SLC43A1: variants seen among roughly 807,000 people sequenced by gnomAD.
SLC43A1 encodes the protein solute carrier family 43 member 1.
Under a neutral mutation model 59.5 loss-of-function variants are expected in SLC43A1, and 31 were observed. The observed-to-expected ratio is 0.52, with a 90% CI of 0.39 to 0.70. The LOEUF is 0.70. Ranked by LOEUF, SLC43A1 falls within the 30% of genes least tolerant of loss-of-function variation. The pLI, the probability that SLC43A1 is intolerant of heterozygous loss-of-function variation, is 0.00. For missense variants in SLC43A1, 598 were observed against 717.8 expected (o/e 0.83, Z 1.91); for synonymous variants, 259 against 290.9 (o/e 0.89, Z 1.12).
At position 57,485,183 on chromosome 11, in the gene SLC43A1, G is replaced by A. The variant is rs764153406; in HGVS notation, c.1593C>T (p.Phe531=). Residue 531 remains phenylalanine (F), a synonymous_variant, in exon 15 of 15, where the codon TTC becomes TTT. Transcript: ENST00000278426. ...LLGFLLPSYL[F]YYRARLQQEY... ...CCTGCTGGAGCCGGGCACGGTAATAGAAGAGGTAGGAAGGCAACAGGAATC... is the reference window on the plus strand; with the variant it reads ...CCTGCTGGAGCCGGGCACGGTAATAAAAGAGGTAGGAAGGCAACAGGAATC... 1 of 1,614,044 alleles carries A rather than the reference G, an allele frequency of 6.2e-7. No individual in the cohort carries two copies. The highest frequency in any genetic ancestry group is 8.5e-7 in the Non-Finnish European group (1 of 1,179,986).
chr11:57,502,055 C>A (rs1197472311), intron 2 of SLC43A1, among the ~76,000 whole-genome samples: 1 of 152,198 alleles, frequency 6.6e-6, no homozygotes, highest in Non-Finnish European at 1.5e-5. Context: ...CCCTCCAGTC[C>A]CCTCTAGAAG....
chr11:57,503,996 A>T (rs957258624), intron 2 of SLC43A1, among the ~76,000 whole-genome samples: 1 of 152,106 alleles, frequency 6.6e-6, no homozygotes, highest in African/African-American at 2.4e-5. Context: ...GATCGAGACC[A>T]TCCTGGCTAA....
intron 5 of SLC43A1, 24 bp downstream of exon 5, chr11:57,500,755 C>T (rs776661283): frequency 5.0e-6 from 8 of 1,611,978 alleles, no homozygotes; most frequent in Non-Finnish European, 6.8e-6. Flanking sequence ...AACTCTGCTG[C>T]CAGGCCAGGC....
In SLC43A1 at chr11:57,491,821, G is replaced by A. The variant is rs767311919; in HGVS notation, c.913C>T (p.Leu305=). 7 of 1,614,184 alleles carry A rather than the reference G, an allele frequency of 4.3e-6. No homozygotes were observed. In the Admixed American group the frequency reaches 8.3e-5, roughly 19 times the overall value. Residue 305 remains leucine (L), a synonymous_variant, in exon 9 of 15, where the codon CTG becomes TTG. Transcript: ENST00000278426. ...ATGCCCATGGTGAGGAGGCTCCACAGGAAAGTGGGGGAGCAGAGGCTCTTG... is the reference window on the plus strand; with the variant it reads ...ATGCCCATGGTGAGGAGGCTCCACAAGAAAGTGGGGGAGCAGAGGCTCTTG... ...LRKSLCSPTF[L]WSLLTMGMTQ... is the part of the protein sequence containing the mutation.
chr11:57,508,757 T>TGA (rs1944453829), intron 2 of SLC43A1, among the ~76,000 whole-genome samples: 4 of 151,864 alleles, frequency 2.6e-5, no homozygotes, highest in Non-Finnish European at 5.9e-5. Flanking sequence ...ACCACTGAAC[T>TGA]CCTGCCTAGC....
intron 2 of SLC43A1, among the ~76,000 whole-genome samples, chr11:57,509,641 GGAAGGA>G (rs1565142617): frequency 1.4e-4 from 19 of 134,234 alleles, no homozygotes; most frequent in African/African-American, 5.3e-4. Flanking sequence ...AAGGAAGGAA[GGAAGGA>G]AGGAGGGAGG....
intron 7 of SLC43A1, 46 bp downstream of exon 7, chr11:57,495,985 G>A: frequency 6.2e-7 from 1 of 1,602,268 alleles, no homozygotes; most frequent in Non-Finnish European, 8.5e-7. Context: ...TATCACCACA[G>A]CCCTCTCTGC....
intron 8 of SLC43A1, 123 bp from the exon 9 acceptor site, chr11:57,491,985 C>T: frequency 1.1e-6 from 1 of 951,490 alleles, no homozygotes; most frequent in Admixed American, 2.7e-5. Flanking sequence ...AGACTGGTTT[C>T]TTCAAAGACG....
intron 2 of SLC43A1, among the ~76,000 whole-genome samples, chr11:57,510,152 C>A (rs368606196): frequency 2.0e-5 from 3 of 151,956 alleles, no homozygotes; most frequent in South Asian, 4.2e-4. Context: ...ACTAGGATGG[C>A]TATAACAAAA....
chr11:57,500,059 G>A (rs1037742221), intron 5 of SLC43A1, among the ~76,000 whole-genome samples: 2 of 152,164 alleles, frequency 1.3e-5, no homozygotes, highest in Non-Finnish European at 2.9e-5. Context: ...AGCCCGGCCA[G>A]GAACCTTCCC....
At chr11:57,495,668 TA>T (rs1213482405) in intron 7 of SLC43A1, among the ~76,000 whole-genome samples, 1 of 151,544 alleles carries the variant, frequency 6.6e-6, no homozygotes, top group African/African-American at 2.4e-5. Flanking sequence ...CTACAAAAAA[TA>T]AAAAAATTAA....
rs760694450 is a variant in SLC43A1 at position 57,485,132 on chromosome 11, T to C, written c.1644A>G (p.Pro548=). ...QQEYAANGMG[P]LKVLSGSEVT... is the part of the protein sequence containing the mutation. ...CCTCAGAGCCGCTAAGCACCTTCAG[T>C]GGGCCCATCCCATTGGCGGCGTACT... The change falls in exon 15 of 15, where the codon CCA becomes CCG. Residue 548 remains proline, a synonymous_variant. Transcript: ENST00000278426. The C allele has an allele frequency of 4.3e-6, 7 of 1,614,108 alleles. No individual in the cohort carries two copies. In the South Asian group the frequency reaches 6.6e-5, roughly 15 times the overall value.
At position 57,514,993 on chromosome 11, in the gene SLC43A1, G is replaced by A. The variant is rs1255053289; in HGVS notation, c.-14+451C>T. 4 of 981,556 alleles carry A rather than the reference G, an allele frequency of 4.1e-6. No individual in the cohort carries two copies. The highest frequency in any genetic ancestry group is 3.6e-6 in the Non-Finnish European group (3 of 826,626). The allele number at this position is 981,556 out of a possible 1,614,324, so 60.8% of individuals were successfully genotyped here. On this transcript the variant is annotated intron_variant, in intron 1 of 14. Transcript: ENST00000278426. This position sits in a 1 kb window ranked among gnomAD's most constrained non-coding sequence, Gnocchi z 5.5. ...GCGGCCGCTGCAGCCTCGGCGGGAG[G>A]AGAGGGAACGCGGGCGGCGCGGGGG... is the stretch of plus-strand genomic sequence containing the variant.
intron 13 of SLC43A1, among the ~76,000 whole-genome samples, chr11:57,488,663 G>A (rs1245058726): frequency 6.6e-6 from 1 of 152,124 alleles, no homozygotes; most frequent in Non-Finnish European, 1.5e-5. Context: ...CCATTCTGGG[G>A]GCCGTTTCAA....
intron 8 of SLC43A1, among the ~76,000 whole-genome samples, chr11:57,492,397 G>A (rs1943935058): frequency 7.6e-6 from 1 of 132,410 alleles, no homozygotes; most frequent in Admixed American, 8.1e-5. Context: ...AGACCAGCCT[G>A]GTGGTCAACA....
At position 57,497,821 on chromosome 11, in the gene SLC43A1, G is replaced by A. The variant is rs746007553; in HGVS notation, c.490C>T (p.Arg164Cys). ...ATCATGAGGGCCATTAACGTGGAGC[G>A]CAGGTTCCCAAACATGTTGGGCAGC... ...LTLPNMFGNL[R>C]STLMALMIGS... The change falls in exon 6 of 15, where the codon CGC (arginine) becomes TGC (cysteine). Residue 164 changes from arginine (R) to cysteine (C), a missense_variant. Physicochemically the swap from Arg to Cys is radical, Grantham distance 180 (BLOSUM62 -3). Transcript: ENST00000278426. The A allele has an allele frequency of 2.5e-6, 4 of 1,613,464 alleles. No individual in the cohort carries two copies. Among genetic ancestry groups the A allele is most frequent in the Non-Finnish European group, 3.4e-6 (4 of 1,179,834 alleles).
In SLC43A1 at chr11:57,487,150, A is replaced by G. The variant is rs1218277621; in HGVS notation, c.1478T>C (p.Leu493Pro). 9.9e-6 allele frequency: 16 copies of G among 1,614,104 alleles called. No homozygotes were observed. Among genetic ancestry groups the G allele is most frequent in the Non-Finnish European group, 1.4e-5 (16 of 1,179,964 alleles). ...QSLISAVFALLQQPLFMAMVG... is the reference protein window; with the variant it reads ...QSLISAVFALPQQPLFMAMVG... ...CATCGCCATGAAAAGTGGCTGCTGA[A>G]GCAAGGCGAACACAGCACTGATGAG... is the stretch of plus-strand genomic sequence containing the variant. The change falls in exon 14 of 15, where the codon CTT becomes CCT. Residue 493 changes from leucine to proline, a missense_variant. Coordinates refer to ENST00000278426, the MANE Select transcript of SLC43A1 (RefSeq NM_003627.6).
At position 57,514,861 on chromosome 11, in the gene SLC43A1, GGC is replaced by G; in HGVS notation, c.-14+581_-14+582del. ...AGCCCCGGGAGGGGGCTCGGACTTCGGCAGGAAGTCTGGCGGCTGCTGACTTT... is the reference window on the plus strand; with the variant it reads ...AGCCCCGGGAGGGGGCTCGGACTTCGAGGAAGTCTGGCGGCTGCTGACTTT... On this transcript the variant is annotated intron_variant, in intron 1 of 14. Coordinates refer to ENST00000278426, the MANE Select transcript of SLC43A1 (RefSeq NM_003627.6). The surrounding 1 kb of genome is among the most constrained non-coding windows in gnomAD (Gnocchi z 5.5). 1 of 985,416 alleles carries G rather than the reference GGC, an allele frequency of 1.0e-6. No individual in the cohort carries two copies. The highest frequency in any genetic ancestry group is 1.2e-6 in the Non-Finnish European group (1 of 829,992). 61.0% of individuals were successfully genotyped at this position (985,416 alleles called of 1,614,324 possible).
At chr11:57,511,551 C>A (rs976140926) in intron 2 of SLC43A1, among the ~76,000 whole-genome samples, 1 of 152,118 alleles carries the variant, frequency 6.6e-6, no homozygotes, top group Non-Finnish European at 1.5e-5. Context: ...AAGTGATCCT[C>A]CTGCCTTAGC....
Sources: gnomAD v4.1 joint callset for allele counts (sites outside exome capture counted in the v4.1 genomes callset) on GRCh38, gnomAD v4.1.1 for gene constraint, Gnocchi (gnomAD v3.1) non-coding constraint, MANE v1.5 for transcripts, NCBI Gene and HGNC (gene_info 2026-07-23, HGNC 2026-07-21) for gene names.